The following CELF1 variants were observed in gnomAD, a reference collection of about 807,000 sequenced individuals.
The protein encoded by CELF1 is CUGBP Elav-like family member 1.
In CELF1, 10 loss-of-function variants were observed where a neutral mutation model predicts 61.8. The ratio of observed to expected loss-of-function variants is 0.16; its 90% CI spans 0.10 to 0.27. The LOEUF (loss-of-function observed/expected upper bound fraction) is 0.27, where lower values mean the gene tolerates loss of function less well. Ranked by LOEUF, CELF1 falls within the 10% of genes least tolerant of loss-of-function variation. The pLI is 1.00. For missense variants in CELF1, 380 were observed against 639.1 expected (o/e 0.59, Z 4.37); for synonymous variants, 236 against 225.1 (o/e 1.05, Z -0.43).
At position 47,565,020 on chromosome 11, in the gene CELF1, A is replaced by C. The variant is rs2097240281; in HGVS notation, c.-130+254T>G. On this transcript the variant is annotated intron_variant, in intron 1 of 3. Coordinates refer to the CELF1 transcript ENST00000525841. ...GGGAGGAGGAAGGCGACCTCAACCC[A>C]GGACCCCTGTTCACCCTGGGATCAG... Among the ~76,000 whole-genome samples, 5 of 152,106 alleles carry C rather than the reference A, an allele frequency of 3.3e-5. No homozygotes were observed. In the South Asian group the frequency reaches 1.0e-3, roughly 31 times the overall value.
At chr11:47,554,641 A>G (rs966827784), upstream of CELF1, among the ~76,000 whole-genome samples, 1 of 150,158 alleles carries the variant, frequency 6.7e-6, no homozygotes, top group South Asian at 2.1e-4. Context: ...TTTATCCAAA[A>G]CATTTATCAT....
At chr11:47,548,502 CAA>C in intron 1 of CELF1, among the ~76,000 whole-genome samples, 1 of 152,168 alleles carries the variant, frequency 6.6e-6, no homozygotes, top group East Asian at 1.9e-4. Flanking sequence ...ATACAATCGA[CAA>C]AGTGAAAGAC....
At chr11:47,541,700 AAG>A (rs2096782921) in intron 1 of CELF1, among the ~76,000 whole-genome samples, 1 of 1,140 alleles carries the variant, frequency 8.8e-4, no homozygotes, top group African/African-American at 9.3e-4. Context: ...GAAAGAAAGA[AAG>A]AAAGAAAGAA....
At chr11:47,479,024 G>A in intron 9 of CELF1, 72 bp from the exon 10 acceptor site, 1 of 1,261,052 alleles carries the variant, frequency 7.9e-7, no homozygotes, top group Admixed American at 2.0e-5. Flanking sequence ...TAACTCTACA[G>A]CACAGCAAAG....
intron 3 of CELF1, among the ~76,000 whole-genome samples, chr11:47,498,134 A>G (rs1057310927): frequency 1.3e-5 from 2 of 152,224 alleles, no homozygotes; most frequent in African/African-American, 4.8e-5. Context: ...CAGAGGAGGC[A>G]TAAGATCCAC....
intron 1 of CELF1, among the ~76,000 whole-genome samples, chr11:47,532,521 C>T (rs2096511658): frequency 6.6e-6 from 1 of 152,234 alleles, no homozygotes; most frequent in Non-Finnish European, 1.5e-5. Flanking sequence ...TAGAAAGTTT[C>T]TCTGCATAAC....
chr11:47,499,687 GA>G (rs1238236806), intron 2 of CELF1, 83 bp from the exon 3 acceptor site: 2 of 615,836 alleles, frequency 3.2e-6, no homozygotes, highest in Non-Finnish European at 5.8e-6. Context: ...CAGGACTGGG[GA>G]AGGGGTAGGG....
intron 1 of CELF1, among the ~76,000 whole-genome samples, chr11:47,515,656 A>G (rs2095513706): frequency 6.6e-6 from 1 of 152,176 alleles, no homozygotes; most frequent in Non-Finnish European, 1.5e-5. Flanking sequence ...TCTCTTGCGG[A>G]GTCATTATAA....
Position 47,470,567 on chromosome 11 carries a change from T to G in CELF1, c.*1663A>C, listed in dbSNP as rs187611537. The G allele has an allele frequency of 6.6e-6, 1 of 152,302 alleles. No individual in the cohort carries two copies. Among genetic ancestry groups the G allele is most frequent in the East Asian group, 1.9e-4 (1 of 5,188 alleles). 9.4% of individuals were successfully genotyped at this position (152,302 alleles called of 1,614,324 possible). On this transcript the variant is annotated 3_prime_UTR_variant, in exon 15 of 15. Coordinates refer to ENST00000687097, the MANE Select transcript of CELF1 (RefSeq NM_001376376.1). ...ACACCACCAGCTACCTGTACAACAG[T>G]AAGATGGTCAATCCCTGTCTGTTAC...
chr11:47,483,250 G>GT (rs1470849062), intron 8 of CELF1, among the ~76,000 whole-genome samples: 2 of 152,128 alleles, frequency 1.3e-5, no homozygotes, highest in Admixed American at 1.3e-4. Context: ...AGGTGACAAA[G>GT]TAAGACCCCA....
chr11:47,565,209 G>A lies in CELF1; in HGVS notation c.-130+65C>T, dbSNP rs1417091525. 5 of 153,294 alleles carry A rather than the reference G, an allele frequency of 3.3e-5. No individual in the cohort carries two copies. In the East Asian group the frequency reaches 7.7e-4, roughly 24 times the overall value. The allele number at this position is 153,294 out of a possible 1,614,324, so 9.5% of individuals were successfully genotyped here. On this transcript the variant is annotated intron_variant, in intron 1 of 3. Transcript: ENST00000525841. ...TTCCTCTGGTCGAGGGTTGGGGGGAGTGTCCCCTCCTCCCTCGGCCGGAGT... is the reference window on the plus strand; with the variant it reads ...TTCCTCTGGTCGAGGGTTGGGGGGAATGTCCCCTCCTCCCTCGGCCGGAGT...
intron 1 of CELF1, among the ~76,000 whole-genome samples, chr11:47,516,626 A>G (rs1347140835): frequency 6.6e-6 from 1 of 150,940 alleles, no homozygotes; most frequent in East Asian, 2.0e-4. Flanking sequence ...TTTGAGACAG[A>G]GTCTCGCTCT....
At chr11:47,483,659 G>T in intron 7 of CELF1, 127 bp from the exon 8 acceptor site, 1 of 681,276 alleles carries the variant, frequency 1.5e-6, no homozygotes, top group Non-Finnish European at 2.6e-6. Context: ...AGGGAATCAT[G>T]TGCTGGTATG....
At chr11:47,560,147 T>A (rs1032640708) in intron 2 of CELF1, among the ~76,000 whole-genome samples, 4 of 151,978 alleles carry the variant, frequency 2.6e-5, no homozygotes, top group African/African-American at 9.7e-5. Context: ...AAACATTAGC[T>A]GGGCGTGGTG....
intron 1 of CELF1, among the ~76,000 whole-genome samples, chr11:47,530,173 C>T (rs1279322444): frequency 6.6e-6 from 1 of 152,156 alleles, no homozygotes; most frequent in Non-Finnish European, 1.5e-5. Context: ...TGGGCGACAA[C>T]ATTATTCTGG....
intron 1 of CELF1, among the ~76,000 whole-genome samples, chr11:47,528,306 T>C (rs918756553): frequency 6.6e-6 from 1 of 152,170 alleles, no homozygotes; most frequent in Non-Finnish European, 1.5e-5. Flanking sequence ...CCCATTGACA[T>C]TTCATAAATT....
chr11:47,559,016 TATATATA>T (rs2097217605), intron 2 of CELF1, among the ~76,000 whole-genome samples: 1 of 143,010 alleles, frequency 7.0e-6, no homozygotes, highest in African/African-American at 2.6e-5. Flanking sequence ...TAATATATGT[TATATATA>T]ATATATAATA....
intron 1 of CELF1, among the ~76,000 whole-genome samples, chr11:47,530,480 C>G (rs2096432001): frequency 1.3e-5 from 2 of 152,180 alleles, no homozygotes; most frequent in Admixed American, 6.5e-5. Flanking sequence ...CAAAAGAGGA[C>G]ATAGTCACAG....
rs148803083 is a variant in CELF1 at position 47,470,973 on chromosome 11, T to G, written c.*1257A>C. On this transcript the variant is annotated 3_prime_UTR_variant, in exon 15 of 15. Transcript: ENST00000687097. ...CTGAGGTAAATGAACACTCAATTCATGTGGAGGCTGTAAACGTCCTGATGT... is the reference window on the plus strand; with the variant it reads ...CTGAGGTAAATGAACACTCAATTCAGGTGGAGGCTGTAAACGTCCTGATGT... 6.6e-6 allele frequency: 1 copy of G among 152,094 alleles called. No individual in the cohort carries two copies. The highest frequency in any genetic ancestry group is 1.5e-5 in the Non-Finnish European group (1 of 68,002). The allele number at this position is 152,094 out of a possible 1,614,324, so 9.4% of individuals were successfully genotyped here.
Sources: allele counts gnomAD v4.1 joint callset (sites outside exome capture counted in the v4.1 genomes callset), GRCh38; gene constraint gnomAD v4.1.1; transcripts MANE v1.5; gene names NCBI Gene and HGNC (gene_info 2026-07-23, HGNC 2026-07-21).